GASK1A: variants seen among roughly 807,000 people sequenced by gnomAD.
GASK1A encodes golgi associated kinase 1A.
GASK1A carries 40 observed loss-of-function variants against 41.2 expected under a neutral mutation model. The observed-to-expected ratio is 0.97, with a 90% CI of 0.75 to 1.27. The LOEUF (loss-of-function observed/expected upper bound fraction) is 1.27. Ranked by LOEUF, GASK1A falls within the 50% of genes most tolerant of loss-of-function variation. GASK1A has a pLI of 0.00. For synonymous variants in GASK1A, 316 were observed against 307.1 expected, an observed-to-expected ratio of 1.03 and a Z score of -0.30; for missense variants, 678 against 745.1, an observed-to-expected ratio of 0.91 and a Z score of 1.05.
At position 43,037,839 on chromosome 3, in the gene GASK1A, T is replaced by C. The variant is rs11129991; in HGVS notation, c.1290+4286T>C. 9.4e-4 allele frequency among the ~76,000 whole-genome samples: 143 copies of C among 152,348 alleles called. 4 individuals are homozygous for C. The East Asian group carries it at 0.021, about 23-fold the overall frequency. Reference sequence around the variant, plus strand: ...ATAATTTGTAGCATTTGGCACCATATGTATGCCATTATATTTGATTTTGCA... The same window carrying C: ...ATAATTTGTAGCATTTGGCACCATACGTATGCCATTATATTTGATTTTGCA... On this transcript the variant is annotated intron_variant, in intron 2 of 4. Coordinates refer to ENST00000430121, the MANE Select transcript of GASK1A (RefSeq NM_001129908.3).
intron 2 of GASK1A, among the ~76,000 whole-genome samples, chr3:43,039,899 G>A (rs372427018): frequency 1.1e-3 from 164 of 152,150 alleles, no homozygotes; most frequent in Non-Finnish European, 2.1e-3. Context: ...ATGATTTTAA[G>A]AGCTTTTTAC....
intron 1 of GASK1A, among the ~76,000 whole-genome samples, chr3:43,015,844 G>A (rs568215283): frequency 1.3e-5 from 2 of 151,802 alleles, no homozygotes; most frequent in African/African-American, 4.8e-5. Flanking sequence ...GAGGCTGTGT[G>A]ATGCCACAGG....
chr3:43,028,237 G>A lies in GASK1A; in HGVS notation c.4-4030G>A, dbSNP rs540690445. ...AAGAGGCTGTTCTAACAGTCTTAAG[G>A]TCTGTGTTGATGTCAATGCTGGTCA... On this transcript the variant is annotated intron_variant, in intron 1 of 4. Coordinates refer to ENST00000430121, the MANE Select transcript of GASK1A (RefSeq NM_001129908.3). 9.1e-4 allele frequency among the ~76,000 whole-genome samples: 139 copies of A among 152,270 alleles called. 1 individual carries two copies. The highest frequency in any genetic ancestry group is 1.7e-3 in the Non-Finnish European group (113 of 68,016).
chr3:42,988,615 G>A (rs944630956), intron 1 of GASK1A, among the ~76,000 whole-genome samples: 15 of 152,256 alleles, frequency 9.9e-5, no homozygotes, highest in Non-Finnish European at 8.8e-5. Flanking sequence ...GTCTAGGCAT[G>A]GTGCTGAGCC....
chr3:43,054,710 C>T (rs1322035928), intron 3 of GASK1A, among the ~76,000 whole-genome samples: 1 of 152,158 alleles, frequency 6.6e-6, no homozygotes. Flanking sequence ...GAGATGGCCT[C>T]CCATTCGCAA....
intron 1 of GASK1A, among the ~76,000 whole-genome samples, chr3:42,982,235 T>G (rs906944554): frequency 1.1e-4 from 16 of 152,200 alleles, no homozygotes; most frequent in African/African-American, 3.6e-4. Flanking sequence ...CCAAGGACTC[T>G]GTACTTGATG....
chr3:42,996,627 GGAGTT>G (rs2089370802), intron 1 of GASK1A, among the ~76,000 whole-genome samples: 1 of 152,236 alleles, frequency 6.6e-6, no homozygotes, highest in Non-Finnish European at 1.5e-5. Flanking sequence ...TGCCCACAGT[GGAGTT>G]GGGATCAATA....
At chr3:43,008,875 G>A (rs1238582821) in intron 1 of GASK1A, among the ~76,000 whole-genome samples, 2 of 152,214 alleles carry the variant, frequency 1.3e-5, no homozygotes, top group African/African-American at 2.4e-5. Flanking sequence ...TGTTCAGAAT[G>A]CTGTGACTGT....
chr3:43,025,215 A>G (rs1559403004), intron 1 of GASK1A, among the ~76,000 whole-genome samples: 1 of 152,176 alleles, frequency 6.6e-6, no homozygotes, highest in East Asian at 1.9e-4. Context: ...GGTAAAGAAG[A>G]GGGTGCCTGG....
Position 43,032,287 on chromosome 3 carries a change from G to T in GASK1A, c.24G>T (p.Lys8Asn), listed in dbSNP as rs2089579363. 4 of 1,527,770 alleles carry T rather than the reference G, an allele frequency of 2.6e-6. No individual in the cohort carries two copies. Among genetic ancestry groups the T allele is most frequent in the Non-Finnish European group, 3.5e-6 (4 of 1,129,042 alleles). The allele number at this position is 1,527,770 out of a possible 1,614,324, so 94.6% of individuals were successfully genotyped here. ...CTCAGGCGTCTTGGCTCCGGAGAAA[G>T]CTGCGTGGCAAGAGGCGGCCAGTGA... MASWLRR[K>N]LRGKRRPVIA... The change falls in exon 2 of 5, where the codon AAG (lysine) becomes AAT (asparagine). Residue 8 changes from lysine to asparagine, a missense_variant. Coordinates refer to ENST00000430121, the MANE Select transcript of GASK1A (RefSeq NM_001129908.3).
At chr3:42,988,636 C>G (rs1038945568) in intron 1 of GASK1A, among the ~76,000 whole-genome samples, 3 of 152,232 alleles carry the variant, frequency 2.0e-5, no homozygotes, top group African/African-American at 7.2e-5. Flanking sequence ...AGGCAGGTGC[C>G]CCTTTCAGCT....
chr3:42,993,616 T>C (rs956261333), intron 1 of GASK1A, among the ~76,000 whole-genome samples: 1 of 152,228 alleles, frequency 6.6e-6, no homozygotes, highest in Non-Finnish European at 1.5e-5. Flanking sequence ...GTTAAAAAGA[T>C]TCAGAACCCC....
chr3:43,055,623 G>C (rs2089712397), intron 4 of GASK1A, 88 bp downstream of exon 4: 1 of 908,600 alleles, frequency 1.1e-6, no homozygotes, highest in Non-Finnish European at 1.8e-6. Flanking sequence ...CTGTGGCCCT[G>C]AGAAGCCCAC....
chr3:43,050,990 T>A (rs796662513), intron 2 of GASK1A, among the ~76,000 whole-genome samples: 17 of 152,298 alleles, frequency 1.1e-4, no homozygotes, highest in African/African-American at 2.9e-4. Flanking sequence ...TAAATTTTTT[T>A]ATCTAATGTC....
chr3:43,035,442 C>T (rs1160967909), intron 2 of GASK1A, among the ~76,000 whole-genome samples: 2 of 152,182 alleles, frequency 1.3e-5, no homozygotes, highest in African/African-American at 2.4e-5. Flanking sequence ...CAGGAGCAGC[C>T]TGCAACTGTG....
At chr3:43,038,580 GA>G (rs1482003558) in intron 2 of GASK1A, among the ~76,000 whole-genome samples, 5 of 122,058 alleles carry the variant, frequency 4.1e-5, no homozygotes, top group East Asian at 2.4e-4. Context: ...GAAATTCTGC[GA>G]AAAAAAACTC....
chr3:42,997,441 G>C (rs931990094), intron 1 of GASK1A, among the ~76,000 whole-genome samples: 5 of 135,850 alleles, frequency 3.7e-5, no homozygotes, highest in African/African-American at 1.3e-4. Context: ...AGAGAGAGGG[G>C]GGGGGGATCT....
At position 43,015,679 on chromosome 3, in the gene GASK1A, G is replaced by A. The variant is rs560735378; in HGVS notation, c.4-16588G>A. ...AGGAAGGGGCAGTGGGAAGTCACAG[G>A]TAGAGGCAGTGTGAAGCCACAGGCA... On this transcript the variant is annotated intron_variant, in intron 1 of 4. Transcript: ENST00000430121. Among the ~76,000 whole-genome samples the A allele has an allele frequency of 5.9e-5, 9 of 151,666 alleles. No individual in the cohort carries two copies. In the South Asian group the frequency reaches 8.4e-4, roughly 14 times the overall value.
intron 4 of GASK1A, chr3:43,055,745 C>T (rs2089713034): frequency 1.1e-5 from 6 of 550,984 alleles, no homozygotes; most frequent in Middle Eastern, 5.0e-4. Flanking sequence ...CAGAGGGCCT[C>T]GTGCCTGCAG....
Sources: gnomAD v4.1 joint callset for allele counts (sites outside exome capture counted in the v4.1 genomes callset) on GRCh38, gnomAD v4.1.1 for gene constraint, MANE v1.5 for transcripts, NCBI Gene and HGNC (gene_info 2026-07-23, HGNC 2026-07-21) for gene names.